Variants in ZSCAN2 observed in about 807,000 individuals in gnomAD.
ZSCAN2 encodes zinc finger and SCAN domain containing 2.
Under a neutral mutation model 47.8 loss-of-function variants are expected in ZSCAN2, and 26 were observed. The observed-to-expected ratio is 0.54, with a 90% CI of 0.40 to 0.75. The LOEUF is 0.75. Ranked by LOEUF, ZSCAN2 falls within the 30% of genes least tolerant of loss-of-function variation. The pLI is 0.00. For synonymous variants in ZSCAN2, 305 were observed against 288.7 expected, an observed-to-expected ratio of 1.06 and a Z score of -0.57; for missense variants, 732 against 785.4, an observed-to-expected ratio of 0.93 and a Z score of 0.81.
At chr15:84,609,614 GT>G in intron 2 of ZSCAN2, among the ~76,000 whole-genome samples, 1 of 152,206 alleles carries the variant, frequency 6.6e-6, no homozygotes, top group Non-Finnish European at 1.5e-5. Flanking sequence ...GTCCATTGCT[GT>G]TTTTATCAGC....
At chr15:84,609,428 T>TC (rs1895482016) in intron 2 of ZSCAN2, among the ~76,000 whole-genome samples, 1 of 151,290 alleles carries the variant, frequency 6.6e-6, no homozygotes, top group African/African-American at 2.5e-5. Context: ...CCTCAAGTGG[T>TC]CCTCCTGTTT....
Position 84,620,650 on chromosome 15 carries a change from T to C in ZSCAN2, c.455T>C (p.Phe152Ser). 1 of 1,613,780 alleles carries C rather than the reference T, an allele frequency of 6.2e-7. No homozygotes were observed. Among genetic ancestry groups the C allele is most frequent in the Non-Finnish European group, 8.5e-7 (1 of 1,179,634 alleles). Residue 152 changes from phenylalanine to serine, a missense_variant, in exon 3 of 3, where the codon TTT becomes TCT. This residue lies in a region of ZSCAN2 where 320 missense variants were observed against 287.4 expected (regional missense o/e 1.11). Coordinates refer to ENST00000546148, the MANE Select transcript of ZSCAN2 (RefSeq NM_181877.4). ...ENGENCNQDM[F>S]ENESRKIFSE... is the part of the protein sequence containing the mutation. ...GGGGAGAACTGTAATCAAGACATGT[T>C]TGAGAATGAATCACGTAAGATATTC...
chr15:84,611,583 A>C (rs1895549172), intron 2 of ZSCAN2: 1 of 152,142 alleles, frequency 6.6e-6, no homozygotes, highest in Non-Finnish European at 1.5e-5. Flanking sequence ...CCTCATCTCT[A>C]CTAAAAATAA....
At chr15:84,619,387 G>A (rs966772335) in intron 2 of ZSCAN2, among the ~76,000 whole-genome samples, 8 of 150,814 alleles carry the variant, frequency 5.3e-5, no homozygotes, top group African/African-American at 9.8e-5. Flanking sequence ...CCGAGATCGC[G>A]CCATTGCACT....
intron 2 of ZSCAN2, among the ~76,000 whole-genome samples, chr15:84,609,316 C>A (rs561894206): frequency 1.3e-4 from 19 of 149,062 alleles, no homozygotes; most frequent in Non-Finnish European, 1.3e-4. Context: ...TATGATATAT[C>A]TCATATGATA....
At position 84,622,002 on chromosome 15, in the gene ZSCAN2, A is replaced by G. The variant is rs1397478989; in HGVS notation, c.1807A>G (p.Thr603Ala). ...CTTCAGCAACAGCTCTAACTTTATC[A>G]CACATCAGAGAACTCACATGAAAGA... is the stretch of plus-strand genomic sequence containing the variant. ...KGFSNSSNFITHQRTHMKEKL... is the reference protein window; with the variant it reads ...KGFSNSSNFIAHQRTHMKEKL... Residue 603 changes from threonine (T) to alanine (A), a missense_variant, in exon 3 of 3, where the codon ACA becomes GCA. By Grantham distance (58) the Thr-to-Ala change is moderately conservative. Transcript: ENST00000546148. 8.7e-6 allele frequency: 14 copies of G among 1,612,678 alleles called. No individual in the cohort carries two copies. In the East Asian group the frequency reaches 3.1e-4, roughly 36 times the overall value.
intron 2 of ZSCAN2, chr15:84,611,593 A>G (rs977674712): frequency 1.3e-5 from 2 of 152,058 alleles, no homozygotes; most frequent in African/African-American, 4.8e-5. Flanking sequence ...ACTAAAAATA[A>G]AAAAATTAGC....
rs1446170218 is a variant in ZSCAN2, at chr15:84,604,035, G to A, written c.108G>A (p.Glu36=). The change falls in exon 2 of 3, where the codon GAG becomes GAA. Residue 36 remains glutamate (E), a synonymous_variant. Transcript: ENST00000546148. Reference sequence around the variant, plus strand: ...AGGAGGTCACCACCATGATCCTGGAGGATGACTCCTGGGTGCAAGAAGCTG... The same window carrying A: ...AGGAGGTCACCACCATGATCCTGGAAGATGACTCCTGGGTGCAAGAAGCTG... ...QEEEVTTMIL[E]DDSWVQEAVL... The A allele has an allele frequency of 8.1e-6, 13 of 1,614,028 alleles. No homozygotes were observed. Among genetic ancestry groups the A allele is most frequent in the Non-Finnish European group, 1.7e-6 (2 of 1,180,042 alleles).
chr15:84,603,374 T>C (rs1044518448), intron 1 of ZSCAN2, among the ~76,000 whole-genome samples: 3 of 144,548 alleles, frequency 2.1e-5, no homozygotes, highest in Non-Finnish European at 4.7e-5. Flanking sequence ...GATACTTTTT[T>C]TTTTTTTTTT....
intron 1 of ZSCAN2, among the ~76,000 whole-genome samples, chr15:84,601,488 A>G (rs1895201067): frequency 6.6e-6 from 1 of 152,130 alleles, no homozygotes; most frequent in South Asian, 2.1e-4. Context: ...AAATTAGCTG[A>G]CCTGGCACAC....
chr15:84,616,520 G>T, intron 2 of ZSCAN2: 1 of 1,346,342 alleles, frequency 7.4e-7, no homozygotes. Flanking sequence ...CTTTTACCCA[G>T]TCTGCTGTTT....
chr15:84,607,664 G>A (rs779542895), intron 2 of ZSCAN2, among the ~76,000 whole-genome samples: 14 of 151,908 alleles, frequency 9.2e-5, no homozygotes, highest in Middle Eastern at 3.4e-3. Flanking sequence ...GCGTGCTACC[G>A]TGCCCAGCTA....
In ZSCAN2 at chr15:84,621,026, CT is replaced by C; in HGVS notation, c.832del (p.Tyr278ThrfsTer17). The C allele has an allele frequency of 2.5e-6, 4 of 1,614,094 alleles. No homozygotes were observed. Among genetic ancestry groups the C allele is most frequent in the Non-Finnish European group, 3.4e-6 (4 of 1,179,998 alleles). ...HQTTHTGEKP[Y>X]KCRDCGKSFS... Reference sequence around the variant, plus strand: ...AAACCACTCACACCGGGGAGAAGCCCTACAAATGCAGAGACTGTGGGAAGAG... The same window carrying C: ...AAACCACTCACACCGGGGAGAAGCCCACAAATGCAGAGACTGTGGGAAGAG... On this transcript the variant is annotated frameshift_variant, in exon 3 of 3. Transcript: ENST00000546148. LOFTEE classifies it high-confidence loss of function. The surrounding 1 kb of genome is among the most constrained non-coding windows in gnomAD (Gnocchi z 5.7).
chr15:84,607,864 C>G (rs1047378202), intron 2 of ZSCAN2, among the ~76,000 whole-genome samples: 1 of 152,056 alleles, frequency 6.6e-6, no homozygotes, highest in African/African-American at 2.4e-5. Flanking sequence ...TGATAAAATC[C>G]CAGTTGTTCT....
Position 84,622,485 on chromosome 15 carries a change from G to A in ZSCAN2, c.*445G>A. The A allele has an allele frequency of 4.7e-6, 3 of 635,030 alleles. No individual in the cohort carries two copies. The highest frequency in any genetic ancestry group is 3.8e-5 in the South Asian group (2 of 52,730). The allele number at this position is 635,030 out of a possible 1,614,324, so 39.3% of individuals were successfully genotyped here. On this transcript the variant is annotated 3_prime_UTR_variant, in exon 3 of 3. Coordinates refer to ENST00000546148, the MANE Select transcript of ZSCAN2 (RefSeq NM_181877.4). ...TGCTGCCACGTTGTTGGGCTAAGGT[G>A]CCTTCACCCCAAGCTGTTAGTGTTC...
Position 84,622,389 on chromosome 15 carries a change from C to T in ZSCAN2, c.*349C>T. 1.7e-6 allele frequency: 1 copy of T among 584,628 alleles called. No homozygotes were observed. Among genetic ancestry groups the T allele is most frequent in the African/African-American group, 1.9e-5 (1 of 52,928 alleles). The allele number at this position is 584,628 out of a possible 1,614,324, so 36.2% of individuals were successfully genotyped here. A position where few individuals can be genotyped will look rare whatever the true frequency, so the allele number is the denominator to read the frequency against. On this transcript the variant is annotated 3_prime_UTR_variant, in exon 3 of 3. Coordinates refer to ENST00000546148, the MANE Select transcript of ZSCAN2 (RefSeq NM_181877.4). Reference sequence around the variant, plus strand: ...CCATGTGGAATGGAAGACAGCATGGCCCACAACGTGGGCCGAGTCCTCAGA... The same window carrying T: ...CCATGTGGAATGGAAGACAGCATGGTCCACAACGTGGGCCGAGTCCTCAGA...
In ZSCAN2 at chr15:84,622,646, A is replaced by G; in HGVS notation, c.*606A>G. The G allele has an allele frequency of 1.4e-6, 1 of 717,506 alleles. No homozygotes were observed. Among genetic ancestry groups the G allele is most frequent in the South Asian group, 1.5e-5 (1 of 67,606 alleles). The allele number at this position is 717,506 out of a possible 1,614,324, so 44.4% of individuals were successfully genotyped here. On this transcript the variant is annotated 3_prime_UTR_variant, in exon 3 of 3. Coordinates refer to ENST00000546148, the MANE Select transcript of ZSCAN2 (RefSeq NM_181877.4). ...AGGTAAAGACCCTTTCTATTTCCAG[A>G]AAGTGTCAGGAGCACAGAAACTTGA...
chr15:84,607,590 C>T (rs1481167398), intron 2 of ZSCAN2, among the ~76,000 whole-genome samples: 1 of 152,116 alleles, frequency 6.6e-6, no homozygotes, highest in African/African-American at 2.4e-5. Context: ...CTCACTGCAA[C>T]CTCCACCTCC....
intron 2 of ZSCAN2, chr15:84,611,792 G>C (rs1895557364): frequency 6.6e-6 from 1 of 152,140 alleles, no homozygotes; most frequent in Non-Finnish European, 1.5e-5. Context: ...TGGATGTCTG[G>C]GCCATCCAGC....
Sources: gnomAD v4.1 joint callset for allele counts (sites outside exome capture counted in the v4.1 genomes callset) on GRCh38, gnomAD v4.1.1 for gene constraint, gnomAD v4.1.1 regional missense constraint, Gnocchi (gnomAD v3.1) non-coding constraint, MANE v1.5 for transcripts, NCBI Gene and HGNC (gene_info 2026-07-23, HGNC 2026-07-21) for gene names.